The following GUCY1A1 variants were observed in gnomAD, a reference collection of about 807,000 sequenced individuals.
GUCY1A1 encodes guanylate cyclase soluble subunit alpha-1.
A neutral mutation model predicts 64.5 loss-of-function variants in GUCY1A1; 48 were observed. That is an observed-to-expected ratio of 0.74 (90% confidence interval 0.59 to 0.95). GUCY1A1 has a LOEUF of 0.95. GUCY1A1 is among the 40% of genes least tolerant of loss of function. The pLI is 0.00. For missense variants in GUCY1A1, 804 were observed against 825.3 expected (o/e 0.97, Z 0.32); for synonymous variants, 308 against 303.4 (o/e 1.02, Z -0.16).
chr4:155,667,815 C>G (rs981865068), intron 2 of GUCY1A1: 1 of 151,878 alleles, frequency 6.6e-6, no homozygotes, highest in Non-Finnish European at 1.5e-5. Flanking sequence ...CTGCGGCCTC[C>G]GGCGCGCCGG....
chr4:155,729,665 T>C (rs566363514), intron 9 of GUCY1A1, among the ~76,000 whole-genome samples: 1 of 151,880 alleles, frequency 6.6e-6, no homozygotes, highest in Non-Finnish European at 1.5e-5. Context: ...ACATCTTACC[T>C]CTTTCAACTC....
intron 3 of GUCY1A1, among the ~76,000 whole-genome samples, chr4:155,698,759 C>T (rs1396412952): frequency 2.0e-5 from 3 of 152,130 alleles, no homozygotes; most frequent in South Asian, 2.1e-4. Flanking sequence ...TTCATTCATT[C>T]TTCTTTTTGC....
chr4:155,721,283 A>G (rs1733927577), intron 8 of GUCY1A1, among the ~76,000 whole-genome samples: 2 of 152,066 alleles, frequency 1.3e-5, no homozygotes, highest in African/African-American at 2.4e-5. Context: ...AATAAAATAA[A>G]ACATTCTGTC....
chr4:155,670,030 A>G (rs901043890), intron 2 of GUCY1A1, among the ~76,000 whole-genome samples: 3 of 152,202 alleles, frequency 2.0e-5, no homozygotes. Flanking sequence ...ACATTTCAGT[A>G]ATACAAGCCA....
rs3796576 is a variant in GUCY1A1, at chr4:155,730,889, C to T, written c.*658C>T. The T allele has an allele frequency of 0.18, 28,250 of 152,854 alleles. 2,753 individuals are homozygous for T. Among genetic ancestry groups the T allele is most frequent in the Middle Eastern group, 0.24 (72 of 294 alleles). 9.5% of individuals were successfully genotyped at this position (152,854 alleles called of 1,614,324 possible). A position where few individuals can be genotyped will look rare whatever the true frequency, so the allele number is the denominator to read the frequency against. Reference sequence around the variant, plus strand: ...AAGTTAAAAATACTCTCCATAGTAACGTGTGTTATAATAATAAATATTTCT... The same window carrying T: ...AAGTTAAAAATACTCTCCATAGTAATGTGTGTTATAATAATAAATATTTCT... On this transcript the variant is annotated 3_prime_UTR_variant, in exon 10 of 10. Coordinates refer to ENST00000506455, the MANE Select transcript of GUCY1A1 (RefSeq NM_001130682.3).
chr4:155,672,049 A>T (rs1734218332), intron 2 of GUCY1A1, among the ~76,000 whole-genome samples: 1 of 151,058 alleles, frequency 6.6e-6, no homozygotes, highest in Admixed American at 6.6e-5. Context: ...AACACTGTTT[A>T]ATTATGTATC....
At chr4:155,717,097 C>T (rs945302614) in intron 7 of GUCY1A1, 62 bp from the exon 8 acceptor site, 12 of 1,149,702 alleles carry the variant, frequency 1.0e-5, no homozygotes, top group African/African-American at 9.4e-5. Flanking sequence ...TTCTTCTATC[C>T]GATGTAGGCT....
chr4:155,679,951 C>A (rs1395212092), intron 2 of GUCY1A1, among the ~76,000 whole-genome samples: 1 of 152,178 alleles, frequency 6.6e-6, no homozygotes, highest in Non-Finnish European at 1.5e-5. Flanking sequence ...ACCTCACTTT[C>A]TTGATTACTT....
chr4:155,728,530 A>G (rs112530099), intron 9 of GUCY1A1, among the ~76,000 whole-genome samples: 2,339 of 151,986 alleles, frequency 0.015, 55 homozygotes, highest in African/African-American at 0.053. Context: ...ATCTTTATAC[A>G]TATGTCTTTA....
chr4:155,715,211 C>T (rs752886066), intron 7 of GUCY1A1, among the ~76,000 whole-genome samples: 12 of 151,818 alleles, frequency 7.9e-5, no homozygotes, highest in South Asian at 2.1e-4. Flanking sequence ...GAGATTACTT[C>T]GAGATAGCTG....
Position 155,686,176 on chromosome 4 carries a change from G to A in GUCY1A1, c.-112-10580G>A, listed in dbSNP as rs116668555. Among the ~76,000 whole-genome samples the A allele has an allele frequency of 3.6e-3, 548 of 152,280 alleles. 5 individuals carry two copies. Among genetic ancestry groups the A allele is most frequent in the African/African-American group, 0.012 (478 of 41,556 alleles). On this transcript the variant is annotated intron_variant, in intron 2 of 9. Coordinates refer to ENST00000506455, the MANE Select transcript of GUCY1A1 (RefSeq NM_001130682.3). ...CACCAAACTAACATTGAGAAAGTAA[G>A]TAGATAAAAGAATTATTGGCCAGGC...
intron 2 of GUCY1A1, among the ~76,000 whole-genome samples, chr4:155,671,586 CT>C (rs2126502022): frequency 6.6e-6 from 1 of 152,264 alleles, no homozygotes; most frequent in African/African-American, 2.4e-5. Context: ...GAGGACCATA[CT>C]TTTTAATTCA....
rs536725938 is a variant in GUCY1A1, at chr4:155,691,207, G to A, written c.-112-5549G>A. Among the ~76,000 whole-genome samples the A allele has an allele frequency of 6.3e-4, 96 of 152,298 alleles. 1 individual carries two copies. Among genetic ancestry groups the A allele is most frequent in the Non-Finnish European group, 1.1e-3 (78 of 68,008 alleles). On this transcript the variant is annotated intron_variant, in intron 2 of 9. Transcript: ENST00000506455. ...CCATAAAGCCAACCTTTCAAAAAGA[G>A]TAACAATAAAGGGAGAATGGTAGTG...
chr4:155,695,295 T>C (rs1331464918), intron 2 of GUCY1A1, among the ~76,000 whole-genome samples: 1 of 152,140 alleles, frequency 6.6e-6, no homozygotes, highest in African/African-American at 2.4e-5. Flanking sequence ...TGTGACAATT[T>C]ACAGGCTGTT....
At chr4:155,701,644 A>AT (rs1263578334) in intron 3 of GUCY1A1, among the ~76,000 whole-genome samples, 2 of 151,940 alleles carry the variant, frequency 1.3e-5, no homozygotes, top group Non-Finnish European at 1.5e-5. Context: ...GGCCCACAAA[A>AT]TGTTCCTGGT....
intron 8 of GUCY1A1, among the ~76,000 whole-genome samples, chr4:155,718,554 C>T (rs995632911): frequency 2.0e-5 from 3 of 152,110 alleles, no homozygotes; most frequent in Non-Finnish European, 2.9e-5. Context: ...GTGAGGGTGC[C>T]TGGAATAGCT....
chr4:155,672,685 T>C (rs1734308117), intron 2 of GUCY1A1, among the ~76,000 whole-genome samples: 1 of 152,218 alleles, frequency 6.6e-6, no homozygotes, highest in Non-Finnish European at 1.5e-5. Context: ...ATCATCTCTT[T>C]GGAATAGTAC....
At chr4:155,705,840 G>A (rs1731689676) in intron 4 of GUCY1A1, among the ~76,000 whole-genome samples, 1 of 152,172 alleles carries the variant, frequency 6.6e-6, no homozygotes, top group African/African-American at 2.4e-5. Flanking sequence ...GGTCCAGAAG[G>A]AAAGAGTGTG....
intron 2 of GUCY1A1, chr4:155,667,711 G>A (rs1315746459): frequency 1.3e-5 from 2 of 151,416 alleles, no homozygotes; most frequent in East Asian, 1.9e-4. Context: ...GAGCTCGCGG[G>A]GCCGGGCCGT....
Sources: gnomAD v4.1 joint callset for allele counts (sites outside exome capture counted in the v4.1 genomes callset) on GRCh38, gnomAD v4.1.1 for gene constraint, MANE v1.5 for transcripts, NCBI Gene and HGNC (gene_info 2026-07-23, HGNC 2026-07-21) for gene names.